The following TMEM207 variants were observed in gnomAD, a reference collection of about 807,000 sequenced individuals.
TMEM207 encodes the protein SRSR846.
A neutral mutation model predicts 17.4 loss-of-function variants in TMEM207; 15 were observed. The ratio of observed to expected loss-of-function variants is 0.86; its 90% CI spans 0.58 to 1.33. TMEM207 has a LOEUF of 1.33. Ranked by LOEUF, TMEM207 falls within the 40% of genes most tolerant of loss-of-function variation. The pLI is 0.00. For synonymous variants in TMEM207, 70 were observed against 65.6 expected (o/e 1.07, Z -0.33); for missense variants, 205 against 173.8 (o/e 1.18, Z -1.01).
rs1021726579 is a variant in TMEM207, at chr3:190,444,441, G to A, written c.114-2959C>T. The A allele has an allele frequency of 9.1e-6, 9 of 985,076 alleles. No individual in the cohort carries two copies. In the East Asian group the frequency reaches 9.1e-4, roughly 100 times the overall value. 61.0% of individuals were successfully genotyped at this position (985,076 alleles called of 1,614,324 possible). A position where few individuals can be genotyped will look rare whatever the true frequency, so the allele number is the denominator to read the frequency against. On this transcript the variant is annotated intron_variant, in intron 2 of 4. Coordinates refer to ENST00000354905, the MANE Select transcript of TMEM207 (RefSeq NM_207316.3). Reference sequence around the variant, plus strand: ...CAGCTCTAACCTCATAGTACCATGTGGAGTATTGCCTGAATGAATCCAGTA... The same window carrying A: ...CAGCTCTAACCTCATAGTACCATGTAGAGTATTGCCTGAATGAATCCAGTA...
In TMEM207 at chr3:190,429,290, T is replaced by G. The variant is rs1719637717; in HGVS notation, c.*305A>C. ...GTATACTGCAGTGGAGTCCTAAATG[T>G]GATGGAAACTACTTCCAGCACCTAA... On this transcript the variant is annotated 3_prime_UTR_variant, in exon 5 of 5. Transcript: ENST00000354905. 1 of 305,282 alleles carries G rather than the reference T, an allele frequency of 3.3e-6. No individual in the cohort carries two copies. Among genetic ancestry groups the G allele is most frequent in the African/African-American group, 2.2e-5 (1 of 44,844 alleles). 18.9% of individuals were successfully genotyped at this position (305,282 alleles called of 1,614,324 possible).
intron 4 of TMEM207, among the ~76,000 whole-genome samples, chr3:190,433,597 T>C (rs1266162497): frequency 6.6e-6 from 1 of 152,214 alleles, no homozygotes; most frequent in Non-Finnish European, 1.5e-5. Context: ...TTTTCTCTTC[T>C]TTTTTCTCAA....
chr3:190,439,720 T>G (rs1719887245), intron 4 of TMEM207, among the ~76,000 whole-genome samples: 1 of 152,128 alleles, frequency 6.6e-6, no homozygotes, highest in African/African-American at 2.4e-5. Flanking sequence ...GCTGACAGGA[T>G]CAGGACGCTG....
chr3:190,436,908 T>C (rs1719813230), intron 4 of TMEM207, among the ~76,000 whole-genome samples: 1 of 152,186 alleles, frequency 6.6e-6, no homozygotes. Context: ...CATCAAAGAC[T>C]GTATGAATGG....
intron 4 of TMEM207, among the ~76,000 whole-genome samples, chr3:190,437,794 C>T (rs540870587): frequency 6.6e-6 from 1 of 151,672 alleles, no homozygotes; most frequent in African/African-American, 2.4e-5. Context: ...AAGACACATG[C>T]ACACGTATGT....
chr3:190,436,166 G>A (rs1258222705), intron 4 of TMEM207, among the ~76,000 whole-genome samples: 1 of 152,164 alleles, frequency 6.6e-6, no homozygotes, highest in Non-Finnish European at 1.5e-5. Context: ...AATAAATGGT[G>A]ATAATTAAGT....
intron 2 of TMEM207, among the ~76,000 whole-genome samples, chr3:190,446,208 A>G (rs1720041639): frequency 6.6e-6 from 1 of 152,188 alleles, no homozygotes; most frequent in Non-Finnish European, 1.5e-5. Flanking sequence ...TTGGCTGGGT[A>G]GTGTATTTTA....
At chr3:190,438,577 A>C (rs2108534921) in intron 4 of TMEM207, among the ~76,000 whole-genome samples, 1 of 152,334 alleles carries the variant, frequency 6.6e-6, no homozygotes, top group Non-Finnish European at 1.5e-5. Context: ...TATACTTAAA[A>C]TTAAAACGAA....
intron 2 of TMEM207, among the ~76,000 whole-genome samples, chr3:190,446,923 GA>G (rs1305611800): frequency 5.3e-5 from 8 of 152,138 alleles, no homozygotes; most frequent in Non-Finnish European, 1.0e-4. Flanking sequence ...AAGACAGAGT[GA>G]AAAAGCAGTT....
chr3:190,447,804 G>T lies in TMEM207; in HGVS notation c.99C>A (p.Cys33Ter), dbSNP rs373593649. 6.2e-6 allele frequency: 10 copies of T among 1,611,202 alleles called. No homozygotes were observed. Among genetic ancestry groups the T allele is most frequent in the South Asian group, 3.3e-5 (3 of 90,526 alleles). Residue 33 changes from cysteine to a stop codon, truncating the protein, a stop_gained, in exon 2 of 5, where the codon TGC becomes TGA. Transcript: ENST00000354905. LOFTEE classifies it high-confidence loss of function. ...LFQLVLSDLP[C>*]EEDEMCVNYN... Reference sequence around the variant, plus strand: ...TGTTTACTTACATTTCATCTTCTTCGCATGGTAGGTCCGAGAGCACCAACT... The same window carrying T: ...TGTTTACTTACATTTCATCTTCTTCTCATGGTAGGTCCGAGAGCACCAACT...
intron 4 of TMEM207, among the ~76,000 whole-genome samples, chr3:190,431,584 T>C (rs953927016): frequency 2.0e-5 from 3 of 152,096 alleles, no homozygotes; most frequent in Admixed American, 2.0e-4. Context: ...AGAGTTAAAA[T>C]TGGTAAAATA....
rs144573083 is a variant in TMEM207 at position 190,446,336 on chromosome 3, A to C, written c.113+1454T>G. Among the ~76,000 whole-genome samples, 494 of 152,294 alleles carry C rather than the reference A, an allele frequency of 3.2e-3. 2 individuals are homozygous for C. Among genetic ancestry groups the C allele is most frequent in the Admixed American group, 5.9e-3 (91 of 15,302 alleles). ...ACTTTTTACTCCCTCAGAAAACAGCATGACTTTCCTTACAGATTCATTCCG... is the reference window on the plus strand; with the variant it reads ...ACTTTTTACTCCCTCAGAAAACAGCCTGACTTTCCTTACAGATTCATTCCG... On this transcript the variant is annotated intron_variant, in intron 2 of 4. Coordinates refer to ENST00000354905, the MANE Select transcript of TMEM207 (RefSeq NM_207316.3).
chr3:190,431,595 C>T (rs1430431977), intron 4 of TMEM207, among the ~76,000 whole-genome samples: 3 of 152,114 alleles, frequency 2.0e-5, no homozygotes, highest in African/African-American at 4.8e-5. Flanking sequence ...TGGTAAAATA[C>T]AGTTACCCTA....
intron 4 of TMEM207, among the ~76,000 whole-genome samples, chr3:190,436,970 A>G (rs1719815093): frequency 6.6e-6 from 1 of 152,208 alleles, no homozygotes; most frequent in Admixed American, 6.5e-5. Flanking sequence ...AAGATGGAAC[A>G]TCGGCAGTGG....
chr3:190,443,600 C>T (rs528798768), intron 2 of TMEM207, among the ~76,000 whole-genome samples: 11 of 152,206 alleles, frequency 7.2e-5, no homozygotes, highest in Non-Finnish European at 1.5e-4. Flanking sequence ...GGGGAATTCA[C>T]TACGTAGTCA....
At chr3:190,439,272 G>C (rs1320943804) in intron 4 of TMEM207, among the ~76,000 whole-genome samples, 2 of 150,464 alleles carry the variant, frequency 1.3e-5, no homozygotes, top group Non-Finnish European at 3.0e-5. Flanking sequence ...AAAAAAGCTG[G>C]AGGTCAATAT....
At chr3:190,434,980 G>A (rs900260091) in intron 4 of TMEM207, among the ~76,000 whole-genome samples, 4 of 152,174 alleles carry the variant, frequency 2.6e-5, no homozygotes, top group Non-Finnish European at 4.4e-5. Flanking sequence ...AAATATCTCT[G>A]ATTTTAAACT....
At chr3:190,444,211 C>T (rs1040836325) in intron 2 of TMEM207, among the ~76,000 whole-genome samples, 1 of 152,208 alleles carries the variant, frequency 6.6e-6, no homozygotes, top group Non-Finnish European at 1.5e-5. Context: ...ATAACGGACT[C>T]TCAAACTTAC....
intron 2 of TMEM207, among the ~76,000 whole-genome samples, chr3:190,446,899 A>G (rs1371938709): frequency 2.6e-5 from 4 of 152,228 alleles, no homozygotes; most frequent in Non-Finnish European, 4.4e-5. Flanking sequence ...ACTCTGTTAC[A>G]TCACAAACAG....
Sources: gnomAD v4.1 joint callset for allele counts (sites outside exome capture counted in the v4.1 genomes callset) on GRCh38, gnomAD v4.1.1 for gene constraint, MANE v1.5 for transcripts, NCBI Gene and HGNC (gene_info 2026-07-23, HGNC 2026-07-21) for gene names.